The following TULP3 variants were observed in gnomAD, a reference collection of about 807,000 sequenced individuals.
The protein encoded by TULP3 is TUB like protein 3.
TULP3 carries 38 observed loss-of-function variants against 50.7 expected under a neutral mutation model. The ratio of observed to expected loss-of-function variants is 0.75; its 90% CI spans 0.58 to 0.98. The LOEUF (loss-of-function observed/expected upper bound fraction) is 0.98, where lower values mean the gene tolerates loss of function less well. Ranked by LOEUF, TULP3 falls within the 50% of genes least tolerant of loss-of-function variation. The probability of loss-of-function intolerance (pLI) is 0.00; values close to 1 mark genes in which losing one functional copy is unlikely to be tolerated. For missense variants in TULP3, 550 were observed against 568.0 expected, an observed-to-expected ratio of 0.97 and a Z score of 0.32; for synonymous variants, 183 against 196.6, an observed-to-expected ratio of 0.93 and a Z score of 0.58.
At position 2,939,241 on chromosome 12, in the gene TULP3, GA is replaced by G. The variant is rs2098203270; in HGVS notation, c.1196-65del. The G allele has an allele frequency of 6.5e-7, 1 of 1,545,860 alleles. No individual in the cohort carries two copies. Among genetic ancestry groups the G allele is most frequent in the Non-Finnish European group, 8.8e-7 (1 of 1,131,956 alleles). ...GCAAAACCCCATCTAAGAAAAGGAA[GA>G]AAAAGAAAAAGATTTCCCTGAGTGC... On this transcript the variant is annotated intron_variant, in intron 10 of 10. Coordinates refer to ENST00000448120, the MANE Select transcript of TULP3 (RefSeq NM_003324.5). This position sits in a 1 kb window ranked among gnomAD's most constrained non-coding sequence, Gnocchi z 4.0.
intron 2 of TULP3, among the ~76,000 whole-genome samples, chr12:2,910,816 A>G (rs574031381): frequency 1.3e-5 from 2 of 152,362 alleles, no homozygotes; most frequent in East Asian, 1.9e-4. Context: ...ACACATATAC[A>G]TACACACTTA....
intron 2 of TULP3, among the ~76,000 whole-genome samples, chr12:2,910,875 C>T (rs1053774987): frequency 6.6e-6 from 1 of 152,168 alleles, no homozygotes; most frequent in African/African-American, 2.4e-5. Flanking sequence ...CCTTTATTTT[C>T]TTCATTCTGT....
chr12:2,922,343 C>G lies in TULP3; in HGVS notation c.335C>G (p.Ala112Gly), dbSNP rs1193959506. The change falls in exon 4 of 11, where the codon GCT becomes GGT. Residue 112 changes from alanine to glycine, a missense_variant. Transcript: ENST00000448120. ...SVSSSVVEEDAENTVDTASKP... is the reference protein window; with the variant it reads ...SVSSSVVEEDGENTVDTASKP... Reference sequence around the variant, plus strand: ...AGCTCCTCTGTTGTGGAAGAAGATGCTGAAAACACCGTGGATACTGCTTCC... The same window carrying G: ...AGCTCCTCTGTTGTGGAAGAAGATGGTGAAAACACCGTGGATACTGCTTCC... The G allele has an allele frequency of 1.2e-6, 2 of 1,614,004 alleles. No homozygotes were observed. Among genetic ancestry groups the G allele is most frequent in the Admixed American group, 1.7e-5 (1 of 59,984 alleles).
intron 2 of TULP3, among the ~76,000 whole-genome samples, chr12:2,911,650 C>G (rs1007679081): frequency 3.9e-4 from 51 of 132,170 alleles, no homozygotes; most frequent in African/African-American, 1.4e-3. Context: ...CAGGCGTGAG[C>G]CACTGCGCCC....
At position 2,934,487 on chromosome 12, in the gene TULP3, G is replaced by T; in HGVS notation, c.850G>T (p.Gly284Cys). The T allele has an allele frequency of 6.2e-7, 1 of 1,604,620 alleles. No individual in the cohort carries two copies. The highest frequency in any genetic ancestry group is 8.5e-7 in the Non-Finnish European group (1 of 1,175,996). ...MGTKFTVYDR[G>C]ICPMKGRGLV... is the part of the protein sequence containing the mutation. ...GACCAAGTTTACAGTTTATGACCGT[G>T]GCATCTGCCCCATGAAGGGCCGGGG... The change falls in exon 8 of 11, where the codon GGC becomes TGC. Residue 284 changes from glycine to cysteine, a missense_variant. Transcript: ENST00000448120.
At chr12:2,910,762 A>G (rs1041221792) in intron 2 of TULP3, among the ~76,000 whole-genome samples, 13 of 152,198 alleles carry the variant, frequency 8.5e-5, no homozygotes, top group Non-Finnish European at 1.5e-4. Context: ...ACTAAGAAAC[A>G]AACTAATTTA....
At chr12:2,924,628 C>T (rs1250452542) in intron 4 of TULP3, among the ~76,000 whole-genome samples, 1 of 151,498 alleles carries the variant, frequency 6.6e-6, no homozygotes, top group Admixed American at 6.6e-5. Context: ...ATGCAGTGAG[C>T]TATGATCATG....
At chr12:2,894,092 C>G (rs1459236077) in intron 1 of TULP3, among the ~76,000 whole-genome samples, 1 of 152,054 alleles carries the variant, frequency 6.6e-6, no homozygotes, top group East Asian at 1.9e-4. Context: ...CCCTATCTGG[C>G]CTTTTGTAAG....
chr12:2,903,940 C>T (rs992545061), intron 1 of TULP3, among the ~76,000 whole-genome samples: 3 of 151,796 alleles, frequency 2.0e-5, no homozygotes, highest in Admixed American at 1.3e-4. Flanking sequence ...CCCACCACCA[C>T]GCCCAGCTAA....
At chr12:2,893,385 G>T (rs1358627003) in intron 1 of TULP3, among the ~76,000 whole-genome samples, 2 of 145,246 alleles carry the variant, frequency 1.4e-5, no homozygotes, top group Non-Finnish European at 3.0e-5. Flanking sequence ...CTGGAGTGCA[G>T]TGGCGCCATC....
chr12:2,905,665 C>G lies in TULP3; in HGVS notation c.42-3864C>G, dbSNP rs115358351. Among the ~76,000 whole-genome samples, 312 of 151,626 alleles carry G rather than the reference C, an allele frequency of 2.1e-3. 1 individual carries two copies. The highest frequency in any genetic ancestry group is 7.4e-3 in the African/African-American group (304 of 41,312). ...TCGGGTCAAAATGCTTTGATTATACCCTATTTATTCAGATTGTCTGTTCAG... is the reference window on the plus strand; with the variant it reads ...TCGGGTCAAAATGCTTTGATTATACGCTATTTATTCAGATTGTCTGTTCAG... On this transcript the variant is annotated intron_variant, in intron 1 of 10. Coordinates refer to ENST00000448120, the MANE Select transcript of TULP3 (RefSeq NM_003324.5).
intron 1 of TULP3, among the ~76,000 whole-genome samples, chr12:2,903,835 A>G (rs2098180667): frequency 6.6e-6 from 1 of 151,906 alleles, no homozygotes; most frequent in African/African-American, 2.4e-5. Flanking sequence ...GCTGGAGTGC[A>G]GTCAGTGGCA....
rs767272465 is a variant in TULP3 at position 2,909,505 on chromosome 12, C to CT, written c.42-21dup. The CT allele has an allele frequency of 1.7e-5, 26 of 1,513,346 alleles. No homozygotes were observed. In the East Asian group the frequency reaches 5.7e-4, roughly 33 times the overall value. The allele number at this position is 1,513,346 out of a possible 1,614,324, so 93.7% of individuals were successfully genotyped here. A position where few individuals can be genotyped will look rare whatever the true frequency, so the allele number is the denominator to read the frequency against. ...AAGGCGTTTTCTTTTTATATACTTG[C>CT]TTTATTTTTTTTTTTTTTAACAGTG... On this transcript the variant is annotated intron_variant, in intron 1 of 10. Transcript: ENST00000448120.
At chr12:2,909,673 A>C in intron 2 of TULP3, 93 bp downstream of exon 2, 1 of 1,306,260 alleles carries the variant, frequency 7.7e-7, no homozygotes, top group Non-Finnish European at 1.1e-6. Flanking sequence ...AGGGCTATGG[A>C]AAGAAGACTG....
intron 2 of TULP3, among the ~76,000 whole-genome samples, chr12:2,911,664 CTTTTTTTTTTTTT>C (rs56027951): frequency 3.4e-4 from 13 of 38,170 alleles, no homozygotes; most frequent in African/African-American, 3.6e-4. Context: ...TGCGCCCAGC[CTTTTTTTTTTTTT>C]TTTTTTTTTT....
chr12:2,919,104 G>C (rs369436756), intron 2 of TULP3, among the ~76,000 whole-genome samples: 90 of 151,134 alleles, frequency 6.0e-4, no homozygotes, highest in Middle Eastern at 7.0e-3. Context: ...GTTGGCCAGG[G>C]TGGTCTCAAA....
At chr12:2,926,367 A>G (rs866201838) in intron 4 of TULP3, among the ~76,000 whole-genome samples, 45 of 152,244 alleles carry the variant, frequency 3.0e-4, no homozygotes, top group Middle Eastern at 3.4e-3. Flanking sequence ...GTGTAGTCCT[A>G]TGTACTCAGG....
intron 1 of TULP3, among the ~76,000 whole-genome samples, chr12:2,906,126 G>A (rs1019093086): frequency 1.3e-5 from 2 of 150,948 alleles, no homozygotes; most frequent in African/African-American, 4.9e-5. Context: ...CGCCTCCCAG[G>A]TTCACACGAT....
At chr12:2,928,354 A>G (rs1196823642) in intron 4 of TULP3, among the ~76,000 whole-genome samples, 1 of 151,982 alleles carries the variant, frequency 6.6e-6, no homozygotes, top group Admixed American at 6.6e-5. Context: ...AACATGGAGA[A>G]ACCCCGTCTC....
Sources: allele counts gnomAD v4.1 joint callset (sites outside exome capture counted in the v4.1 genomes callset), GRCh38; gene constraint gnomAD v4.1.1; non-coding constraint Gnocchi (gnomAD v3.1); transcripts MANE v1.5; gene names NCBI Gene and HGNC (gene_info 2026-07-23, HGNC 2026-07-21).